Variants in RPS3 observed in about 807,000 individuals in gnomAD.
RPS3 encodes small ribosomal subunit protein uS3.
Under a neutral mutation model 25.8 loss-of-function variants are expected in RPS3, and 2 were observed. The observed-to-expected ratio is 0.08, with a 90% CI of 0.03 to 0.24. The LOEUF (loss-of-function observed/expected upper bound fraction) is 0.24. Among genes scored for constraint, RPS3 ranks in the 10% least tolerant of loss-of-function variants. The probability of loss-of-function intolerance (pLI) is 1.00; values close to 1 mark genes in which losing one functional copy is unlikely to be tolerated. For missense variants in RPS3, 107 were observed against 307.1 expected, an observed-to-expected ratio of 0.35 and a Z score of 4.87; for synonymous variants, 114 against 114.2, an observed-to-expected ratio of 1.00 and a Z score of 0.01.
chr11:75,405,445 C>T, intron 6 of RPS3, 169 bp from the exon 7 acceptor site: 2 of 335,342 alleles, frequency 6.0e-6, no homozygotes, highest in South Asian at 4.8e-5. Flanking sequence ...GGTGTTGTCT[C>T]TCCAGGTGCC....
chr11:75,418,581 G>C (rs931190376), intron 6 of RPS3, among the ~76,000 whole-genome samples: 1 of 152,172 alleles, frequency 6.6e-6, no homozygotes, highest in Non-Finnish European at 1.5e-5. Flanking sequence ...TAGTATTCCT[G>C]TGTTCATAAA....
intron 6 of RPS3, 156 bp from the exon 7 acceptor site, chr11:75,405,458 G>A (rs1300620480): frequency 3.5e-6 from 1 of 289,670 alleles, no homozygotes; most frequent in Admixed American, 4.9e-5. Flanking sequence ...CAGGTGCCTT[G>A]TATTTTTTTT....
At chr11:75,400,460 T>G (rs1293075878) in intron 1 of RPS3, 1 of 613,478 alleles carries the variant, frequency 1.6e-6, no homozygotes, top group African/African-American at 1.8e-5. Flanking sequence ...TACTCTGTGC[T>G]GCGTTCTGTG....
chr11:75,410,544 A>T (rs911800854), downstream of RPS3, among the ~76,000 whole-genome samples: 1 of 148,240 alleles, frequency 6.7e-6, no homozygotes, highest in Non-Finnish European at 1.5e-5. Flanking sequence ...ATCCCAGACG[A>T]TGGGCGGCCA....
chr11:75,413,019 C>G (rs1459820390), intron 6 of RPS3, among the ~76,000 whole-genome samples: 1 of 152,176 alleles, frequency 6.6e-6, no homozygotes, highest in Non-Finnish European at 1.5e-5. Context: ...GTGATCTGCC[C>G]ACCTTGGCCT....
chr11:75,401,358 G>A (rs536940217), intron 2 of RPS3, among the ~76,000 whole-genome samples: 1 of 152,146 alleles, frequency 6.6e-6, no homozygotes, highest in Admixed American at 6.5e-5. Context: ...ATAAAAAAGG[G>A]TGTGGTGGTG....
intron 6 of RPS3, among the ~76,000 whole-genome samples, chr11:75,417,178 A>G (rs540507719): frequency 6.6e-6 from 1 of 152,184 alleles, no homozygotes; most frequent in Non-Finnish European, 1.5e-5. Context: ...CTTAGGCTTT[A>G]AGAAATATTG....
At chr11:75,400,002 T>G (rs1408206295) in intron 1 of RPS3, 1 of 276,764 alleles carries the variant, frequency 3.6e-6, no homozygotes, top group Non-Finnish European at 7.0e-6. Context: ...CTTGAAGGGT[T>G]GCTGACGGTT....
chr11:75,416,493 C>T (rs1301637617), intron 6 of RPS3, among the ~76,000 whole-genome samples: 1 of 138,488 alleles, frequency 7.2e-6, no homozygotes, highest in East Asian at 2.2e-4. Flanking sequence ...CAAAGTCTCA[C>T]TGTCACTTAG....
chr11:75,401,972 A>G (rs1948216009), intron 3 of RPS3: 2 of 562,158 alleles, frequency 3.6e-6, no homozygotes, highest in East Asian at 2.9e-5. Context: ...AACTGTCCCC[A>G]TTGGTGTACT....
chr11:75,421,631 C>G lies in RPS3; in HGVS notation c.*4-96C>G, dbSNP rs1037670131. 3 of 152,364 alleles carry G rather than the reference C, an allele frequency of 2.0e-5. No homozygotes were observed. In the East Asian group the frequency reaches 5.8e-4, roughly 29 times the overall value. The allele number at this position is 152,364 out of a possible 1,614,324, so 9.4% of individuals were successfully genotyped here. ...CAGGGTGACTGGCTTCTCAGAGGCC[C>G]ATGGCTACGGTGCCCCCACCCTGGG... On this transcript the variant is annotated intron_variant, in intron 6 of 6. Coordinates refer to the RPS3 transcript ENST00000527446.
In RPS3 at chr11:75,416,458, C is replaced by CTTT. The variant is rs72030839; in HGVS notation, c.*4-5268_*4-5267insTTT. On this transcript the variant is annotated intron_variant, in intron 6 of 6. Transcript: ENST00000527446. ...GTTCCATTTTCCATCTTGATTATTT[C>CTTT]TATTTTTTTTTTTTTTTTTTGAGAC... is the stretch of plus-strand genomic sequence containing the variant. 1.3e-3 allele frequency among the ~76,000 whole-genome samples: 160 copies of CTTT among 125,944 alleles called. 5 individuals carry two copies. The highest frequency in any genetic ancestry group is 1.6e-3 in the East Asian group (7 of 4,432). 82.6% of individuals were successfully genotyped at this position (125,944 alleles called of 152,430 possible).
intron 6 of RPS3, among the ~76,000 whole-genome samples, chr11:75,417,139 G>A (rs573167421): frequency 6.6e-6 from 1 of 152,280 alleles, no homozygotes; most frequent in East Asian, 1.9e-4. Flanking sequence ...AATCCATACA[G>A]TACATCTTAG....
At chr11:75,412,019 A>G (rs1565167511) in intron 6 of RPS3, among the ~76,000 whole-genome samples, 1 of 152,158 alleles carries the variant, frequency 6.6e-6, no homozygotes, top group East Asian at 1.9e-4. Flanking sequence ...TCATGGCCCC[A>G]CCCTCAGGAC....
intron 1 of RPS3, chr11:75,399,851 G>A (rs1325120878): frequency 9.2e-6 from 5 of 544,108 alleles, no homozygotes; most frequent in Admixed American, 3.6e-5. Flanking sequence ...GTCGGTCAAC[G>A]GAATTAGTAA....
chr11:75,417,411 C>T (rs1341694627), intron 6 of RPS3, among the ~76,000 whole-genome samples: 15 of 152,238 alleles, frequency 9.9e-5, no homozygotes, highest in Admixed American at 3.3e-4. Context: ...CTGGCTAACA[C>T]GGTAAAACCC....
chr11:75,404,991 A>C lies in RPS3; in HGVS notation c.*3+123A>C. 1.5e-6 allele frequency: 1 copy of C among 653,144 alleles called. No homozygotes were observed. The highest frequency in any genetic ancestry group is 2.9e-5 in the East Asian group (1 of 34,454). The allele number at this position is 653,144 out of a possible 1,614,324, so 40.5% of individuals were successfully genotyped here. On this transcript the variant is annotated intron_variant, in intron 6 of 6. Coordinates refer to ENST00000531188, the MANE Select transcript of RPS3 (RefSeq NM_001005.5). The surrounding 1 kb of genome is among the most constrained non-coding windows in gnomAD (Gnocchi z 4.6). ...AATAAAAATTTCATTTATTTGCTTT[A>C]TGTGGGAGAATACAAGTTGAAACCT...
At chr11:75,407,333 TC>T (rs1267943981), downstream of RPS3, among the ~76,000 whole-genome samples, 1 of 151,840 alleles carries the variant, frequency 6.6e-6, no homozygotes, top group Non-Finnish European at 1.5e-5. Context: ...AGACCGGGTT[TC>T]CCCATGTTGG....
intron 6 of RPS3, among the ~76,000 whole-genome samples, chr11:75,413,554 C>T (rs1948374889): frequency 6.6e-6 from 1 of 152,244 alleles, no homozygotes; most frequent in African/African-American, 2.4e-5. Flanking sequence ...CCGCGCCCAG[C>T]CCTTCTTGTA....
Sources: allele counts gnomAD v4.1 joint callset (sites outside exome capture counted in the v4.1 genomes callset), GRCh38; gene constraint gnomAD v4.1.1; non-coding constraint Gnocchi (gnomAD v3.1); transcripts MANE v1.5; gene names NCBI Gene and HGNC (gene_info 2026-07-23, HGNC 2026-07-21).